The following FHOD3 variants were observed in gnomAD, a reference collection of about 807,000 sequenced individuals.
FHOD3 encodes the protein formin homology 2 domain containing 3.
A neutral mutation model predicts 173.0 loss-of-function variants in FHOD3; 90 were observed. That is an observed-to-expected ratio of 0.52 (90% CI 0.44 to 0.62). The LOEUF (loss-of-function observed/expected upper bound fraction) is 0.62, where lower values mean the gene tolerates loss of function less well. Ranked by LOEUF, FHOD3 falls within the 20% of genes least tolerant of loss-of-function variation. The pLI, the probability that FHOD3 is intolerant of heterozygous loss-of-function variation, is 0.00. For missense variants in FHOD3, 1,945 were observed against 2,034.7 expected, an observed-to-expected ratio of 0.96 and a Z score of 0.85; for synonymous variants, 828 against 823.0, an observed-to-expected ratio of 1.01 and a Z score of -0.10.
At position 36,337,268 on chromosome 18, in the gene FHOD3, C is replaced by T. The variant is rs534052742; in HGVS notation, c.166-18271C>T. On this transcript the variant is annotated intron_variant, in intron 1 of 28. Transcript: ENST00000590592. ...GGAACATTCCCAGAGTCTGTACTGA[C>T]CATTTGTATTTTTTGTTATAGAAAT... is the stretch of plus-strand genomic sequence containing the variant. 4.6e-5 allele frequency among the ~76,000 whole-genome samples: 7 copies of T among 152,174 alleles called. No individual in the cohort carries two copies. The South Asian group carries it at 1.5e-3, about 32-fold the overall frequency.
intron 5 of FHOD3, among the ~76,000 whole-genome samples, chr18:36,529,625 C>T (rs527499708): frequency 8.6e-5 from 13 of 151,944 alleles, no homozygotes; most frequent in African/African-American, 3.1e-4. Flanking sequence ...TTGAGACCAG[C>T]CTGGCCAACA....
intron 23 of FHOD3, among the ~76,000 whole-genome samples, chr18:36,745,767 T>C (rs1265212083): frequency 3.2e-5 from 2 of 62,646 alleles, no homozygotes; most frequent in African/African-American, 6.3e-5. Flanking sequence ...ACACCCTCCA[T>C]GCACCTGCCA....
chr18:36,344,197 A>G (rs918023154), intron 1 of FHOD3, among the ~76,000 whole-genome samples: 3 of 152,240 alleles, frequency 2.0e-5, no homozygotes, highest in Admixed American at 2.0e-4. Flanking sequence ...GAAATACTAA[A>G]GAGAGTTCTT....
At chr18:36,327,960 G>A (rs1209251641) in intron 1 of FHOD3, among the ~76,000 whole-genome samples, 1 of 152,148 alleles carries the variant, frequency 6.6e-6, no homozygotes. Context: ...TTTGGCCCAT[G>A]GGTTTTTAGT....
chr18:36,381,342 C>G (rs2047775740), intron 3 of FHOD3, among the ~76,000 whole-genome samples: 1 of 152,204 alleles, frequency 6.6e-6, no homozygotes, highest in South Asian at 2.1e-4. Context: ...CTGAGCCAGG[C>G]TGCAGATGCC....
chr18:36,742,339 A>G (rs2041943340), intron 21 of FHOD3, among the ~76,000 whole-genome samples: 1 of 152,200 alleles, frequency 6.6e-6, no homozygotes, highest in Non-Finnish European at 1.5e-5. Flanking sequence ...GTTCAGGGAC[A>G]TCGAGCGCAC....
At chr18:36,708,951 T>C in intron 17 of FHOD3, 144 bp from the exon 18 acceptor site, 1 of 1,016,448 alleles carries the variant, frequency 9.8e-7, no homozygotes, top group Non-Finnish European at 1.5e-6. Flanking sequence ...GATGAGTGTT[T>C]GAATAACCAG....
At chr18:36,456,658 C>T (rs554148110) in intron 3 of FHOD3, among the ~76,000 whole-genome samples, 9 of 152,132 alleles carry the variant, frequency 5.9e-5, no homozygotes, top group African/African-American at 1.7e-4. Flanking sequence ...GTGTCCCCCA[C>T]GGGCAACAGT....
chr18:36,658,786 C>G (rs16968134), intron 14 of FHOD3, among the ~76,000 whole-genome samples: 1 of 152,196 alleles, frequency 6.6e-6, no homozygotes, highest in Non-Finnish European at 1.5e-5. Flanking sequence ...AAGTTACCCT[C>G]ACATGGCAAG....
At chr18:36,528,806 C>T (rs1184756113) in intron 5 of FHOD3, among the ~76,000 whole-genome samples, 4 of 152,200 alleles carry the variant, frequency 2.6e-5, no homozygotes, top group Non-Finnish European at 5.9e-5. Context: ...GTTCGTTGTA[C>T]AGCTCTGCCC....
At chr18:36,487,934 T>C (rs913099127) in intron 3 of FHOD3, among the ~76,000 whole-genome samples, 6 of 152,186 alleles carry the variant, frequency 3.9e-5, no homozygotes, top group Non-Finnish European at 1.5e-5. Flanking sequence ...TAGGTGTGAA[T>C]TTGTTATGAG....
chr18:36,740,579 T>G (rs2041854715), intron 20 of FHOD3, 77 bp from the exon 21 acceptor site: 1 of 1,323,892 alleles, frequency 7.6e-7, no homozygotes, highest in African/African-American at 1.5e-5. Context: ...AATTATAATA[T>G]GAATTTTATA....
At chr18:36,469,636 T>C (rs1433211067) in intron 3 of FHOD3, among the ~76,000 whole-genome samples, 3 of 152,216 alleles carry the variant, frequency 2.0e-5, no homozygotes, top group Non-Finnish European at 4.4e-5. Context: ...AGGCAGCTGA[T>C]GCTGGCACAA....
chr18:36,358,744 C>G (rs2046475900), intron 2 of FHOD3, among the ~76,000 whole-genome samples: 1 of 152,122 alleles, frequency 6.6e-6, no homozygotes. Flanking sequence ...GGTGCAATCA[C>G]AGCTCACTAT....
rs561600802 is a variant in FHOD3, at chr18:36,525,470, C to A, written c.511+12927C>A. 2.6e-5 allele frequency among the ~76,000 whole-genome samples: 4 copies of A among 152,242 alleles called. No homozygotes were observed. In the South Asian group the frequency reaches 6.2e-4, roughly 24 times the overall value. Reference sequence around the variant, plus strand: ...CAGCAGAAGACCCAGTCGGGCCATGCCTGGATTTCTGCACCATGGAAACTG... The same window carrying A: ...CAGCAGAAGACCCAGTCGGGCCATGACTGGATTTCTGCACCATGGAAACTG... On this transcript the variant is annotated intron_variant, in intron 5 of 28. Transcript: ENST00000590592.
chr18:36,714,984 G>A (rs1408306370), intron 18 of FHOD3, among the ~76,000 whole-genome samples: 1 of 152,148 alleles, frequency 6.6e-6, no homozygotes. Context: ...GTTTGAGGGG[G>A]ATGTTCCTTC....
chr18:36,693,188 C>G, intron 16 of FHOD3, 21 bp from the exon 17 acceptor site: 1 of 1,605,544 alleles, frequency 6.2e-7, no homozygotes, highest in South Asian at 1.1e-5. Flanking sequence ...TGACGGAAAC[C>G]CTTTGGAATT....
At chr18:36,760,964 A>G (rs2042852280) in intron 27 of FHOD3, among the ~76,000 whole-genome samples, 182 bp downstream of exon 27, 2 of 152,152 alleles carry the variant, frequency 1.3e-5, no homozygotes, top group South Asian at 4.1e-4. Flanking sequence ...TCATCTCCAA[A>G]ACAAACATTC....
chr18:36,514,798 G>T (rs537697694), intron 5 of FHOD3, among the ~76,000 whole-genome samples: 1 of 152,134 alleles, frequency 6.6e-6, no homozygotes, highest in Non-Finnish European at 1.5e-5. Context: ...AACTCTGCCC[G>T]CTGTGGTCAG....
Sources: gnomAD v4.1 joint callset for allele counts (sites outside exome capture counted in the v4.1 genomes callset) on GRCh38, gnomAD v4.1.1 for gene constraint, MANE v1.5 for transcripts, NCBI Gene and HGNC (gene_info 2026-07-23, HGNC 2026-07-21) for gene names.